PARK7: variants seen among roughly 807,000 people sequenced by gnomAD.
PARK7 encodes the protein Parkinsonism associated deglycase, also known as Parkinson disease protein 7.
A neutral mutation model predicts 20.5 loss-of-function variants in PARK7; 14 were observed. That is an observed-to-expected ratio of 0.68 (90% CI 0.45 to 1.07). The LOEUF (loss-of-function observed/expected upper bound fraction) is 1.07. Ranked by LOEUF, PARK7 falls within the 50% of genes least tolerant of loss-of-function variation. The pLI is 0.00. For synonymous variants in PARK7, 98 were observed against 84.3 expected, an observed-to-expected ratio of 1.16 and a Z score of -0.89; for missense variants, 234 against 238.1, an observed-to-expected ratio of 0.98 and a Z score of 0.11.
At chr1:7,970,984 G>C (rs1640453814) in intron 5 of PARK7, 21 bp downstream of exon 5, 1 of 1,613,866 alleles carries the variant, frequency 6.2e-7, no homozygotes. Flanking sequence ...GGGGCAGCCT[G>C]TGTTGCAGCG....
At chr1:7,969,641 C>T (rs996550978) in intron 4 of PARK7, among the ~76,000 whole-genome samples, 3 of 151,794 alleles carry the variant, frequency 2.0e-5, no homozygotes, top group Admixed American at 1.3e-4. Context: ...AGTGCAGTGG[C>T]ACAATCTCGG....
Position 7,969,404 on chromosome 1 carries a change from G to GTCTGCTGCT in PARK7, c.252_252+1insTCTGCTGCT (p.Ser85_Ala87dup). ...ATCTGGGCGCACAGAATTTATCTGA[G>GTCTGCTGCT]GTAAAAAATTCTACTCAATTATACC... On this transcript the variant is annotated inframe_insertion and splice_region_variant. Coordinates refer to ENST00000338639, the MANE Select transcript of PARK7 (RefSeq NM_007262.5). 1 of 1,494,432 alleles carries GTCTGCTGCT rather than the reference G, an allele frequency of 6.7e-7. No homozygotes were observed. Among genetic ancestry groups the GTCTGCTGCT allele is most frequent in the Non-Finnish European group, 9.1e-7 (1 of 1,093,050 alleles). The allele number at this position is 1,494,432 out of a possible 1,614,324, so 92.6% of individuals were successfully genotyped here.
intron 6 of PARK7, among the ~76,000 whole-genome samples, 158 bp downstream of exon 6, chr1:7,977,896 A>AG (rs1421311227): frequency 3.4e-5 from 5 of 147,096 alleles, no homozygotes; most frequent in African/African-American, 1.2e-4. Flanking sequence ...AGTAGCTGGG[A>AG]TTACAGGCGC....
At chr1:7,980,798 A>G (rs1640693872) in intron 6 of PARK7, among the ~76,000 whole-genome samples, 1 of 152,166 alleles carries the variant, frequency 6.6e-6, no homozygotes, top group South Asian at 2.1e-4. Flanking sequence ...CTCACTGTGA[A>G]CTTGAAAGAT....
At chr1:7,976,956 A>G (rs766273960) in intron 5 of PARK7, among the ~76,000 whole-genome samples, 9 of 152,136 alleles carry the variant, frequency 5.9e-5, no homozygotes, top group Admixed American at 6.6e-5. Flanking sequence ...TCCTGACCTC[A>G]TGATCCAGCC....
chr1:7,981,965 CTTTTTTTT>C (rs71567337), intron 6 of PARK7, among the ~76,000 whole-genome samples: 4 of 84,374 alleles, frequency 4.7e-5, no homozygotes, highest in African/African-American at 1.1e-4. Flanking sequence ...GCCCCCCCGC[CTTTTTTTT>C]TTTTTTTTTT....
chr1:7,981,180 C>G (rs1640702128), intron 6 of PARK7, among the ~76,000 whole-genome samples: 1 of 152,168 alleles, frequency 6.6e-6, no homozygotes, highest in Admixed American at 6.5e-5. Context: ...CTCAGCTTCC[C>G]CACTCACTGT....
rs1161660089 is a variant in PARK7, at chr1:7,983,809, CAAGA to C, written c.410-1083_410-1080del. Among the ~76,000 whole-genome samples, 3 of 152,182 alleles carry C rather than the reference CAAGA, an allele frequency of 2.0e-5. No individual in the cohort carries two copies. In the East Asian group the frequency reaches 5.8e-4, roughly 29 times the overall value. The stretch of plus-strand genomic sequence containing the variant: ...GGACAGGCGAGAAAGGAGATCGAGT[CAAGA>C]ATGGTGTTTGGTGCCTTTGACCTCA... On this transcript the variant is annotated intron_variant, in intron 6 of 6. Transcript: ENST00000338639.
At chr1:7,971,013 G>T (rs748889370) in intron 5 of PARK7, 50 bp downstream of exon 5, 1 of 1,589,560 alleles carries the variant, frequency 6.3e-7, no homozygotes, top group East Asian at 2.2e-5. Flanking sequence ...GGGTGGGGTA[G>T]CCTTTCATTC....
chr1:7,973,320 A>C (rs1640503230), intron 5 of PARK7, among the ~76,000 whole-genome samples: 1 of 152,226 alleles, frequency 6.6e-6, no homozygotes, highest in Admixed American at 6.5e-5. Context: ...TTGGAGAGAA[A>C]GTCACAGATC....
intron 3 of PARK7, among the ~76,000 whole-genome samples, chr1:7,967,698 T>A (rs1452700751): frequency 6.6e-6 from 1 of 150,974 alleles, no homozygotes; most frequent in Non-Finnish European, 1.5e-5. Context: ...GCAGGAGGAT[T>A]ACCTGAGCCC....
At chr1:7,964,431 T>G (rs1293986803) in intron 2 of PARK7, among the ~76,000 whole-genome samples, 1 of 152,184 alleles carries the variant, frequency 6.6e-6, no homozygotes, top group African/African-American at 2.4e-5. Flanking sequence ...TTCTCAGAAA[T>G]GAAGATACAT....
chr1:7,971,070 G>A (rs1441246451), intron 5 of PARK7, 107 bp downstream of exon 5: 22 of 1,204,862 alleles, frequency 1.8e-5, no homozygotes, highest in South Asian at 1.5e-4. Context: ...AGCATGCAGG[G>A]CATCTGTGTT....
chr1:7,970,751 C>G (rs1230432619), intron 4 of PARK7, 143 bp from the exon 5 acceptor site: 2 of 783,676 alleles, frequency 2.6e-6, no homozygotes, highest in African/African-American at 1.7e-5. Flanking sequence ...CATTTTTATA[C>G]CAATGATTTA....
chr1:7,962,930 A>C (rs1237099660), intron 2 of PARK7, 55 bp downstream of exon 2: 4 of 1,389,984 alleles, frequency 2.9e-6, no homozygotes, highest in Non-Finnish European at 4.1e-6. Flanking sequence ...TTGGATTTTT[A>C]AATCATTTTG....
Position 7,984,985 on chromosome 1 carries a change from A to G in PARK7, c.501A>G (p.Ala167=), listed in dbSNP as rs71653621. ...GGACCAGCTTCGAGTTTGCGCTTGC[A>G]ATTGTTGAAGCCCTGAATGGCAAGG... ...GPGTSFEFAL[A]IVEALNGKEV... is the part of the protein sequence containing the mutation. The change falls in exon 7 of 7, where the codon GCA becomes GCG. Residue 167 remains alanine (A), a synonymous_variant. Coordinates refer to ENST00000338639, the MANE Select transcript of PARK7 (RefSeq NM_007262.5). The surrounding 1 kb of genome is among the most constrained non-coding windows in gnomAD (Gnocchi z 4.3). The G allele has an allele frequency of 1.0e-3, 1,669 of 1,614,160 alleles. 4 individuals carry two copies. Among genetic ancestry groups the G allele is most frequent in the Non-Finnish European group, 9.6e-4 (1,131 of 1,180,042 alleles).
intron 6 of PARK7, among the ~76,000 whole-genome samples, chr1:7,981,965 CTTTTTTTTT>C (rs71567337): frequency 2.7e-3 from 224 of 84,350 alleles, no homozygotes; most frequent in Non-Finnish European, 4.1e-3. Flanking sequence ...GCCCCCCCGC[CTTTTTTTTT>C]TTTTTTTTTT....
At chr1:7,966,734 T>A (rs1178007790) in intron 3 of PARK7, among the ~76,000 whole-genome samples, 4 of 152,086 alleles carry the variant, frequency 2.6e-5, no homozygotes, top group African/African-American at 9.7e-5. Flanking sequence ...TAATAATACT[T>A]TTTTTCATCT....
chr1:7,962,493 G>A (rs969262062), intron 1 of PARK7, among the ~76,000 whole-genome samples: 3 of 152,080 alleles, frequency 2.0e-5, no homozygotes, highest in African/African-American at 4.8e-5. Context: ...ATTAAAGTTG[G>A]ATTTAAGAGA....
Sources: gnomAD v4.1 joint callset for allele counts (sites outside exome capture counted in the v4.1 genomes callset) on GRCh38, gnomAD v4.1.1 for gene constraint, Gnocchi (gnomAD v3.1) non-coding constraint, MANE v1.5 for transcripts, NCBI Gene and HGNC (gene_info 2026-07-23, HGNC 2026-07-21) for gene names.